DENND1B: variants seen among roughly 807,000 people sequenced by gnomAD.
DENND1B encodes the protein DENN domain-containing protein 1B.
DENND1B carries 59 observed loss-of-function variants against 90.1 expected under a neutral mutation model. The ratio of observed to expected loss-of-function variants is 0.65; its 90% CI spans 0.53 to 0.81. The LOEUF is 0.81. DENND1B is among the 40% of genes least tolerant of loss of function. DENND1B has a pLI of 0.00. For synonymous variants in DENND1B, 337 were observed against 324.6 expected (o/e 1.04, Z -0.41); for missense variants, 862 against 912.6 (o/e 0.94, Z 0.71).
chr1:197,780,803 T>G, the DENND1B span, among the ~76,000 whole-genome samples: 6 of 152,202 alleles, frequency 3.9e-5, no homozygotes, highest in Non-Finnish European at 8.8e-5. Flanking sequence ...TAAAATGGAC[T>G]AATTGCAACT....
At chr1:197,677,489 A>AC (rs1166276757) in intron 3 of DENND1B, among the ~76,000 whole-genome samples, 1 of 151,976 alleles carries the variant, frequency 6.6e-6, no homozygotes. Flanking sequence ...AGTTACCATG[A>AC]CCCCTCCTTT....
At chr1:197,545,860 A>G (rs1248320527) in intron 18 of DENND1B, 62 bp downstream of exon 18, 3 of 1,350,772 alleles carry the variant, frequency 2.2e-6, no homozygotes, top group African/African-American at 3.0e-5. Context: ...TTATATGTCT[A>G]TCACCTAGGA....
chr1:197,552,725 AAGAC>A, intron 16 of DENND1B: 2 of 1,154,586 alleles, frequency 1.7e-6, no homozygotes, highest in Non-Finnish European at 2.1e-6. Flanking sequence ...TTCAGAAGGA[AAGAC>A]AGGAAGATAT....
chr1:197,707,561 T>C (rs911580990), intron 3 of DENND1B, among the ~76,000 whole-genome samples: 10 of 148,222 alleles, frequency 6.7e-5, no homozygotes, highest in Non-Finnish European at 1.3e-4. Context: ...CACCCATATA[T>C]ATGTGTAATT....
At chr1:197,646,091 CAT>C (rs1680710997) in intron 8 of DENND1B, among the ~76,000 whole-genome samples, 1 of 151,670 alleles carries the variant, frequency 6.6e-6, no homozygotes, top group Admixed American at 6.6e-5. Flanking sequence ...TATATAGAGA[CAT>C]ACACACCTAT....
chr1:197,551,223 A>G (rs1371193928), intron 16 of DENND1B, among the ~76,000 whole-genome samples: 2 of 152,046 alleles, frequency 1.3e-5, no homozygotes. Flanking sequence ...ATTTTCATCT[A>G]CAAAAAAAGT....
At chr1:197,602,234 A>G (rs1213673904) in intron 13 of DENND1B, among the ~76,000 whole-genome samples, 1 of 151,618 alleles carries the variant, frequency 6.6e-6, no homozygotes, top group East Asian at 1.9e-4. Context: ...ATTACAAAAG[A>G]TAAAAGAAGT....
rs766113411 is a variant in DENND1B, at chr1:197,715,088, AC to A, written c.83-15del. 1.9e-6 allele frequency: 3 copies of A among 1,607,322 alleles called. No homozygotes were observed. Among genetic ancestry groups the A allele is most frequent in the Non-Finnish European group, 2.6e-6 (3 of 1,175,412 alleles). On this transcript the variant is annotated splice_polypyrimidine_tract_variant and intron_variant, in intron 2 of 22. Transcript: ENST00000620048. ...ATACCACAGGATCTGTAAATAATTG[AC>A]ATGTATAATTAAACAGCAGCAAAAG...
At chr1:197,691,363 T>C (rs528913876) in intron 3 of DENND1B, among the ~76,000 whole-genome samples, 1 of 151,850 alleles carries the variant, frequency 6.6e-6, no homozygotes, top group South Asian at 2.1e-4. Flanking sequence ...GAAAACATGC[T>C]CAACATCACT....
chr1:197,635,920 A>G (rs1679744339), intron 10 of DENND1B, among the ~76,000 whole-genome samples: 1 of 151,968 alleles, frequency 6.6e-6, no homozygotes, highest in South Asian at 2.1e-4. Flanking sequence ...CTATGGATAC[A>G]TATCAACACT....
rs74578099 is a variant in DENND1B, at chr1:197,724,923, A to G, written c.83-9849T>C. On this transcript the variant is annotated intron_variant, in intron 2 of 22. Transcript: ENST00000620048. Reference sequence around the variant, plus strand: ...ATGATATTAAAACAGATTGAGCCATAAAGAGGCAAAATAAATGAGAAAAGA... The same window carrying G: ...ATGATATTAAAACAGATTGAGCCATGAAGAGGCAAAATAAATGAGAAAAGA... 5.3e-3 allele frequency among the ~76,000 whole-genome samples: 801 copies of G among 152,168 alleles called. 9 individuals are homozygous for G. The highest frequency in any genetic ancestry group is 0.018 in the African/African-American group (744 of 41,562).
chr1:197,734,124 T>G (rs1489937912), intron 2 of DENND1B: 1 of 948,480 alleles, frequency 1.1e-6, no homozygotes, highest in African/African-American at 1.8e-5. Flanking sequence ...AAAATAAAAC[T>G]GTCATATCTT....
At chr1:197,552,977 A>C in intron 16 of DENND1B, 45 bp downstream of exon 16, 1 of 1,560,232 alleles carries the variant, frequency 6.4e-7, no homozygotes, top group Non-Finnish European at 8.6e-7. Flanking sequence ...GACCAAGAAA[A>C]TTGTTATTGA....
chr1:197,562,999 T>C (rs962223905), intron 15 of DENND1B, among the ~76,000 whole-genome samples: 6 of 151,846 alleles, frequency 4.0e-5, no homozygotes, highest in African/African-American at 9.7e-5. Flanking sequence ...CTCTCTTCAA[T>C]TATATGAAGG....
At chr1:197,588,928 T>C (rs541587675) in intron 14 of DENND1B, among the ~76,000 whole-genome samples, 1 of 152,124 alleles carries the variant, frequency 6.6e-6, no homozygotes, top group Non-Finnish European at 1.5e-5. Context: ...CATATTATTT[T>C]ATTACTTTAT....
At chr1:197,604,597 T>G (rs1413110265) in intron 13 of DENND1B, among the ~76,000 whole-genome samples, 3 of 151,210 alleles carry the variant, frequency 2.0e-5, no homozygotes, top group African/African-American at 7.3e-5. Context: ...TCAACCAGCC[T>G]GTAAGTATAA....
chr1:197,597,319 T>A (rs761746132), intron 13 of DENND1B, among the ~76,000 whole-genome samples: 8 of 151,746 alleles, frequency 5.3e-5, no homozygotes, highest in Non-Finnish European at 1.2e-4. Flanking sequence ...ACGTATTTAA[T>A]TACTACCTCC....
chr1:197,691,890 A>AT (rs1325171729), intron 3 of DENND1B, among the ~76,000 whole-genome samples: 1 of 151,942 alleles, frequency 6.6e-6, no homozygotes, highest in African/African-American at 2.4e-5. Flanking sequence ...ATTCCACTTA[A>AT]ATGAGACATC....
At chr1:197,702,690 CT>C (rs1286203301) in intron 3 of DENND1B, among the ~76,000 whole-genome samples, 1 of 152,120 alleles carries the variant, frequency 6.6e-6, no homozygotes, top group Non-Finnish European at 1.5e-5. Context: ...AATGTGTTCA[CT>C]TTTCCTATTT....
Sources: allele counts gnomAD v4.1 joint callset (sites outside exome capture counted in the v4.1 genomes callset), GRCh38; gene constraint gnomAD v4.1.1; transcripts MANE v1.5; gene names NCBI Gene and HGNC (gene_info 2026-07-23, HGNC 2026-07-21).